Variants in LRRC4B observed in about 807,000 individuals in gnomAD.
LRRC4B encodes the protein leucine rich repeat containing 4B, also known as leucine-rich repeat-containing protein 4B.
LRRC4B carries 1 observed loss-of-function variant against 7.3 expected under a neutral mutation model. That is an observed-to-expected ratio of 0.14 (90% CI 0.05 to 0.65). LRRC4B has a LOEUF of 0.65. Ranked by LOEUF, LRRC4B falls within the 30% of genes least tolerant of loss-of-function variation. The pLI is 0.84. For synonymous variants in LRRC4B, 500 were observed against 499.2 expected (o/e 1.00, Z -0.02); for missense variants, 730 against 1,041.6 (o/e 0.70, Z 4.12).
intron 2 of LRRC4B, among the ~76,000 whole-genome samples, chr19:50,538,359 G>C (rs934585122): frequency 6.6e-6 from 1 of 151,962 alleles, no homozygotes; most frequent in African/African-American, 2.4e-5. Context: ...CACCGCGCCC[G>C]GCCCTCCCAC....
rs1980393959 is a variant in LRRC4B, at chr19:50,518,323, T to C, written c.1390A>G (p.Thr464Ala). 1 of 1,605,960 alleles carries C rather than the reference T, an allele frequency of 6.2e-7. No individual in the cohort carries two copies. Among genetic ancestry groups the C allele is most frequent in the Non-Finnish European group, 8.5e-7 (1 of 1,177,150 alleles). The change falls in exon 3 of 3, where the codon ACC becomes GCC. Residue 464 changes from threonine to alanine, a missense_variant. Physicochemically the swap from Thr to Ala is moderately conservative, Grantham distance 58. Around this residue, in one of 6 missense-constraint regions of LRRC4B, gnomAD observed 192 missense variants for 228.6 expected, o/e 0.84. Coordinates refer to ENST00000652263, the MANE Select transcript of LRRC4B (RefSeq NM_001080457.2). ...CCAGGGCCGCCCCCGCCGCTGCCGG[T>C]GCCCCCGGCCGCCACGGGGTCCACG... ...SAVDPVAAGG[T>A]GSGGGGPGGS... is the part of the protein sequence containing the mutation.
At chr19:50,520,238 AAAAAAAAAAGAAGAAAAG>A (rs1980511071) in intron 2 of LRRC4B, among the ~76,000 whole-genome samples, 1 of 66,640 alleles carries the variant, frequency 1.5e-5, no homozygotes, top group Non-Finnish European at 2.7e-5. Flanking sequence ...AAAAAAAAAA[AAAAAAAAAAGAAGAAAAG>A]AAAAGAAAAA....
intron 1 of LRRC4B, among the ~76,000 whole-genome samples, chr19:50,559,973 A>G (rs188183895): frequency 6.0e-4 from 91 of 152,260 alleles, no homozygotes; most frequent in Non-Finnish European, 1.1e-3. Flanking sequence ...TGTCTCTAAT[A>G]AAAATACAAA....
intron 1 of LRRC4B, among the ~76,000 whole-genome samples, chr19:50,551,450 C>T (rs2122904564): frequency 6.7e-6 from 1 of 149,810 alleles, no homozygotes; most frequent in South Asian, 2.1e-4. Flanking sequence ...CGGTCTCCTT[C>T]CACCCCCTCT....
chr19:50,528,877 C>T (rs556197647), intron 2 of LRRC4B, among the ~76,000 whole-genome samples: 3 of 152,240 alleles, frequency 2.0e-5, no homozygotes, highest in South Asian at 2.1e-4. Context: ...TCTGCAGGTG[C>T]GGGTCCTGAG....
intron 1 of LRRC4B, among the ~76,000 whole-genome samples, chr19:50,559,446 G>C (rs1025944664): frequency 7.2e-5 from 11 of 151,918 alleles, no homozygotes; most frequent in Non-Finnish European, 1.5e-4. Flanking sequence ...AAAAAGGAAA[G>C]AAAAAAAACT....
intron 2 of LRRC4B, among the ~76,000 whole-genome samples, chr19:50,536,151 T>G (rs1599769563): frequency 6.7e-6 from 1 of 150,080 alleles, no homozygotes; most frequent in African/African-American, 2.5e-5. Flanking sequence ...TTTTTTTTTT[T>G]ATGATGGAGT....
In LRRC4B at chr19:50,548,871, GGGCTGTGGGTGGGGGAGAGAAGGGGGAGA is replaced by G; in HGVS notation, c.-35-27_-34del. 1 of 1,423,258 alleles carries G rather than the reference GGGCTGTGGGTGGGGGAGAGAAGGGGGAGA, an allele frequency of 7.0e-7. No individual in the cohort carries two copies. The highest frequency in any genetic ancestry group is 9.2e-7 in the Non-Finnish European group (1 of 1,084,494). The allele number at this position is 1,423,258 out of a possible 1,614,324, so 88.2% of individuals were successfully genotyped here. On this transcript the variant is annotated splice_acceptor_variant and splice_polypyrimidine_tract_variant and 5_prime_UTR_variant and intron_variant, in exon 2 of 3. Coordinates refer to ENST00000652263, the MANE Select transcript of LRRC4B (RefSeq NM_001080457.2). LOFTEE classifies it low-confidence loss of function (5UTR_SPLICE). The surrounding 1 kb of genome is among the most constrained non-coding windows in gnomAD (Gnocchi z 6.8). The stretch of plus-strand genomic sequence containing the variant: ...GTTCATGCTCCGCGTGGACGCTGGG[GGGCTGTGGGTGGGGGAGAGAAGGGGGAGA>G]GGCTTGGTGAGGGACAGGAGCCCAT...
intron 2 of LRRC4B, among the ~76,000 whole-genome samples, chr19:50,535,016 C>A (rs11880067): frequency 2.4e-4 from 33 of 134,922 alleles, no homozygotes; most frequent in Admixed American, 1.1e-3. Context: ...TTACAGGCGC[C>A]TGCCACCACA....
intron 2 of LRRC4B, among the ~76,000 whole-genome samples, chr19:50,538,957 G>A (rs973665852): frequency 6.6e-6 from 1 of 150,626 alleles, no homozygotes; most frequent in Non-Finnish European, 1.5e-5. Context: ...GCACGATCTC[G>A]GCTCACTACC....
chr19:50,524,650 G>C (rs1980721811), intron 2 of LRRC4B, among the ~76,000 whole-genome samples: 1 of 152,154 alleles, frequency 6.6e-6, no homozygotes, highest in Non-Finnish European at 1.5e-5. Flanking sequence ...TATTTATTTA[G>C]CTCAACAGGT....
intron 2 of LRRC4B, among the ~76,000 whole-genome samples, chr19:50,532,489 G>T (rs1461716090): frequency 1.3e-5 from 2 of 152,152 alleles, no homozygotes; most frequent in African/African-American, 4.8e-5. Flanking sequence ...GATGCATGGG[G>T]TTCCCTCTGC....
At chr19:50,530,934 G>C (rs572151674) in intron 2 of LRRC4B, among the ~76,000 whole-genome samples, 6 of 150,900 alleles carry the variant, frequency 4.0e-5, no homozygotes, top group South Asian at 4.3e-4. Flanking sequence ...AACCTGGGGG[G>C]GGGGGGTCTC....
At chr19:50,561,426 C>T (rs556362468) in intron 1 of LRRC4B, among the ~76,000 whole-genome samples, 1 of 152,148 alleles carries the variant, frequency 6.6e-6, no homozygotes, top group African/African-American at 2.4e-5. Context: ...GTTATAGCAG[C>T]TTCAATGCCT....
chr19:50,523,668 CAA>C (rs982851450), intron 2 of LRRC4B, among the ~76,000 whole-genome samples: 2 of 134,094 alleles, frequency 1.5e-5, no homozygotes, highest in Admixed American at 1.5e-4. Flanking sequence ...ATCTTAAAAA[CAA>C]AAAAGAGGCC....
intron 2 of LRRC4B, among the ~76,000 whole-genome samples, chr19:50,539,836 G>A (rs929749903): frequency 1.3e-5 from 2 of 149,764 alleles, no homozygotes; most frequent in Admixed American, 6.7e-5. Context: ...GCAGTGAACC[G>A]AGATCGCGCC....
chr19:50,552,544 C>T (rs537429369), intron 1 of LRRC4B, among the ~76,000 whole-genome samples: 1 of 151,750 alleles, frequency 6.6e-6, no homozygotes, highest in East Asian at 1.9e-4. Context: ...ACTTATCCGC[C>T]CATCCATCCG....
intron 2 of LRRC4B, among the ~76,000 whole-genome samples, chr19:50,520,231 A>AAAAAAAC (rs1980507954): frequency 1.4e-5 from 1 of 72,738 alleles, no homozygotes; most frequent in African/African-American, 6.1e-5. Flanking sequence ...AAAAAAAAAA[A>AAAAAAAC]AAAAAAAAAA....
intron 2 of LRRC4B, among the ~76,000 whole-genome samples, chr19:50,544,662 C>T (rs1414993232): frequency 6.6e-6 from 1 of 152,154 alleles, no homozygotes; most frequent in African/African-American, 2.4e-5. Flanking sequence ...CTACCCATGG[C>T]TGTGGGATTA....
Sources: allele counts gnomAD v4.1 joint callset (sites outside exome capture counted in the v4.1 genomes callset), GRCh38; gene constraint gnomAD v4.1.1; regional missense constraint gnomAD v4.1.1; non-coding constraint Gnocchi (gnomAD v3.1); transcripts MANE v1.5; gene names NCBI Gene and HGNC (gene_info 2026-07-23, HGNC 2026-07-21).